Variants in AOPEP observed in about 807,000 individuals in gnomAD.
AOPEP encodes the protein aminopeptidase O (putative), also known as aminopeptidase O.
A neutral mutation model predicts 98.1 loss-of-function variants in AOPEP; 77 were observed. The observed-to-expected ratio is 0.78, with a 90% CI of 0.65 to 0.95. The LOEUF (loss-of-function observed/expected upper bound fraction) is 0.95. Ranked by LOEUF, AOPEP falls within the 40% of genes least tolerant of loss-of-function variation. AOPEP has a pLI of 0.00. For synonymous variants in AOPEP, 346 were observed against 365.3 expected (o/e 0.95, Z 0.60); for missense variants, 1,024 against 1,024.7 (o/e 1.00, Z 0.01).
intron 5 of AOPEP, among the ~76,000 whole-genome samples, chr9:94,867,206 G>A (rs1483254124): frequency 1.3e-5 from 2 of 152,228 alleles, no homozygotes; most frequent in East Asian, 3.8e-4. Context: ...ATTTTGAAGT[G>A]TTTTAGATTT....
chr9:94,824,397 A>C (rs1454835799), intron 5 of AOPEP: 1 of 152,204 alleles, frequency 6.6e-6, no homozygotes, highest in Non-Finnish European at 1.5e-5. Flanking sequence ...AGCTTGATGT[A>C]TTCTTGTGTT....
intron 14 of AOPEP, among the ~76,000 whole-genome samples, chr9:95,075,947 G>C (rs1056880429): frequency 6.6e-6 from 1 of 152,186 alleles, no homozygotes; most frequent in Non-Finnish European, 1.5e-5. Flanking sequence ...ATGGGGATGG[G>C]GGCTCTCCCG....
At chr9:95,011,441 A>G (rs532525822) in intron 13 of AOPEP, among the ~76,000 whole-genome samples, 122 of 152,116 alleles carry the variant, frequency 8.0e-4, no homozygotes, top group Non-Finnish European at 1.4e-3. Flanking sequence ...TGACCTCGTG[A>G]TCCGCCCACC....
chr9:95,088,846 G>A (rs551103857), downstream of AOPEP, among the ~76,000 whole-genome samples: 4 of 152,352 alleles, frequency 2.6e-5, no homozygotes, highest in East Asian at 1.9e-4. Flanking sequence ...TTTGACCACC[G>A]GGGATCTGGC....
intron 1 of AOPEP, among the ~76,000 whole-genome samples, chr9:94,751,937 G>C (rs1222461465): frequency 6.9e-6 from 1 of 144,232 alleles, no homozygotes; most frequent in Non-Finnish European, 1.5e-5. Flanking sequence ...GTGTTGCTCA[G>C]GCTGGAGTAC....
the AOPEP span, chr9:95,111,159 G>C: frequency 2.0e-6 from 3 of 1,535,332 alleles, no homozygotes; most frequent in Non-Finnish European, 2.6e-6. Flanking sequence ...TGGAGGACGC[G>C]ACCCTGGGGC....
chr9:94,906,187 A>T (rs1245340913), intron 5 of AOPEP, among the ~76,000 whole-genome samples: 1 of 151,752 alleles, frequency 6.6e-6, no homozygotes, highest in Non-Finnish European at 1.5e-5. Flanking sequence ...GGCTGGGCAC[A>T]GTAGCTCACA....
rs964190556 is a variant in AOPEP at position 94,776,273 on chromosome 9, C to T, written c.964+3105C>T. On this transcript the variant is annotated intron_variant, in intron 3 of 16. Transcript: ENST00000375315. ...ATTTTATAGATATTTTGTAACAGAGCGTAAAGAGTATCCTCATTATTTATT... is the reference window on the plus strand; with the variant it reads ...ATTTTATAGATATTTTGTAACAGAGTGTAAAGAGTATCCTCATTATTTATT... Among the ~76,000 whole-genome samples, 6 of 152,096 alleles carry T rather than the reference C, an allele frequency of 3.9e-5. No individual in the cohort carries two copies. In the East Asian group the frequency reaches 5.8e-4, roughly 15 times the overall value.
At chr9:94,806,396 CAGGT>C (rs1251772550) in intron 5 of AOPEP, among the ~76,000 whole-genome samples, 1 of 152,116 alleles carries the variant, frequency 6.6e-6, no homozygotes, top group Non-Finnish European at 1.5e-5. Flanking sequence ...CTTTTTCAAA[CAGGT>C]GGGTGTGAAT....
intron 1 of AOPEP, among the ~76,000 whole-genome samples, chr9:94,745,466 G>A (rs1288094007): frequency 6.6e-6 from 1 of 151,848 alleles, no homozygotes; most frequent in Non-Finnish European, 1.5e-5. Flanking sequence ...TAGTAGAGAC[G>A]GGGTTTCACC....
At chr9:94,796,014 C>T (rs907671600) in intron 4 of AOPEP, among the ~76,000 whole-genome samples, 14 of 152,334 alleles carry the variant, frequency 9.2e-5, no homozygotes, top group Non-Finnish European at 1.5e-4. Context: ...ACCAGCCCAG[C>T]TGGACTGCTG....
At chr9:95,015,441 A>C (rs962101841) in intron 13 of AOPEP, among the ~76,000 whole-genome samples, 9 of 152,234 alleles carry the variant, frequency 5.9e-5, no homozygotes, top group Non-Finnish European at 1.5e-5. Context: ...TTCTTATTAA[A>C]TTCTATATTT....
chr9:94,787,659 G>T (rs1451651262), intron 3 of AOPEP, among the ~76,000 whole-genome samples: 1 of 152,140 alleles, frequency 6.6e-6, no homozygotes, highest in East Asian at 1.9e-4. Flanking sequence ...CATTTTAATA[G>T]TACCTTGGTA....
intron 5 of AOPEP, among the ~76,000 whole-genome samples, chr9:94,845,322 G>C (rs2042726940): frequency 6.6e-6 from 1 of 152,204 alleles, no homozygotes; most frequent in Admixed American, 6.5e-5. Context: ...CCAGGCTGCT[G>C]GTGTTGAATG....
At chr9:94,835,195 G>T (rs982033901) in intron 5 of AOPEP, among the ~76,000 whole-genome samples, 5 of 152,294 alleles carry the variant, frequency 3.3e-5, no homozygotes, top group Non-Finnish European at 7.4e-5. Context: ...TTCATTGTGC[G>T]TAAGTGGGCA....
At chr9:94,959,219 A>G (rs968000617) in intron 9 of AOPEP, among the ~76,000 whole-genome samples, 5 of 151,710 alleles carry the variant, frequency 3.3e-5, no homozygotes, top group Admixed American at 1.3e-4. Flanking sequence ...AATTTTTTGT[A>G]TTTTTAGTAG....
At chr9:95,003,750 A>G (rs1374447938) in intron 11 of AOPEP, among the ~76,000 whole-genome samples, 10 of 152,242 alleles carry the variant, frequency 6.6e-5, no homozygotes, top group Non-Finnish European at 5.9e-5. Flanking sequence ...ATGAGCACAC[A>G]TTTCGTAGCA....
chr9:95,052,920 C>A (rs955489066), intron 13 of AOPEP, among the ~76,000 whole-genome samples: 4 of 152,056 alleles, frequency 2.6e-5, no homozygotes, highest in Admixed American at 6.6e-5. Context: ...TTCTTGATTG[C>A]TGCTTGCACA....
At chr9:94,831,540 C>T (rs1855959380) in intron 5 of AOPEP, among the ~76,000 whole-genome samples, 1 of 152,034 alleles carries the variant, frequency 6.6e-6, no homozygotes, top group African/African-American at 2.4e-5. Context: ...TATATAGGCT[C>T]TTTTTTGGTT....
Sources: gnomAD v4.1 joint callset for allele counts (sites outside exome capture counted in the v4.1 genomes callset) on GRCh38, gnomAD v4.1.1 for gene constraint, MANE v1.5 for transcripts, NCBI Gene and HGNC (gene_info 2026-07-23, HGNC 2026-07-21) for gene names.